Variants in KRT72 observed in about 807,000 individuals in gnomAD.
KRT72 encodes keratin, type II cytoskeletal 72.
In KRT72, 44 loss-of-function variants were observed where a neutral mutation model predicts 44.7. The observed-to-expected ratio is 0.98, with a 90% CI of 0.77 to 1.27. The LOEUF is 1.27. Among genes scored for constraint, KRT72 ranks in the 50% most tolerant of loss-of-function variants. KRT72 has a pLI of 0.00. For missense variants in KRT72, 736 were observed against 667.1 expected, an observed-to-expected ratio of 1.10 and a Z score of -1.14; for synonymous variants, 302 against 280.4, an observed-to-expected ratio of 1.08 and a Z score of -0.77.
intron 6 of KRT72, among the ~76,000 whole-genome samples, chr12:52,588,867 G>C (rs933965472): frequency 6.6e-6 from 1 of 151,964 alleles, no homozygotes; most frequent in Non-Finnish European, 1.5e-5. Flanking sequence ...GTGATGGCAC[G>C]CAGCTGCCTG....
intron 1 of KRT72, among the ~76,000 whole-genome samples, 169 bp downstream of exon 1, chr12:52,600,858 C>T (rs184288277): frequency 1.3e-5 from 2 of 152,176 alleles, no homozygotes; most frequent in Non-Finnish European, 2.9e-5. Context: ...TAAGCCTCAT[C>T]GCAACCCACT....
chr12:52,601,134 G>A lies in KRT72; in HGVS notation c.319C>T (p.Leu107=). The A allele has an allele frequency of 6.2e-7, 1 of 1,613,722 alleles. No individual in the cohort carries two copies. The highest frequency in any genetic ancestry group is 8.5e-7 in the Non-Finnish European group (1 of 1,179,830). The change falls in exon 1 of 9, where the codon CTG becomes TTG. Residue 107 remains leucine, a synonymous_variant. Coordinates refer to ENST00000293745, the MANE Select transcript of KRT72 (RefSeq NM_080747.3). The stretch of plus-strand genomic sequence containing the variant: ...TCCATCTCCACGTTGAGCGGGGCCA[G>A]GAGGCTCTTGTTGACGGTGACCTGA... The part of the protein sequence containing the change: ...IPQVTVNKSL[L]APLNVEMDPE...
At position 52,590,818 on chromosome 12, in the gene KRT72, T is replaced by G. The variant is rs1196930360; in HGVS notation, c.1089+18A>C. On this transcript the variant is annotated intron_variant, in intron 6 of 8. Coordinates refer to ENST00000293745, the MANE Select transcript of KRT72 (RefSeq NM_080747.3). ...GACTCAATAAATACTGTTAGTGGAT[T>G]AATTTCATAGAACCCACCTGCTTCT... The G allele has an allele frequency of 1.3e-6, 2 of 1,561,266 alleles. No homozygotes were observed. Among genetic ancestry groups the G allele is most frequent in the Non-Finnish European group, 1.7e-6 (2 of 1,143,782 alleles).
At chr12:52,589,713 C>T (rs913465172) in intron 6 of KRT72, among the ~76,000 whole-genome samples, 2 of 152,132 alleles carry the variant, frequency 1.3e-5, no homozygotes, top group African/African-American at 2.4e-5. Context: ...CAAAAGGAGC[C>T]GCAATGGGGA....
chr12:52,587,917 C>A, intron 6 of KRT72, 66 bp from the exon 7 acceptor site: 1 of 1,474,618 alleles, frequency 6.8e-7, no homozygotes, highest in East Asian at 2.4e-5. Context: ...CTTGGACAAC[C>A]TCCCCTTGTT....
chr12:52,589,551 G>A (rs1163357293), intron 6 of KRT72, among the ~76,000 whole-genome samples: 9 of 152,188 alleles, frequency 5.9e-5, no homozygotes, highest in African/African-American at 1.2e-4. Context: ...AACATGGCCC[G>A]AGTTGAGAGG....
chr12:52,601,130 G>A lies in KRT72; in HGVS notation c.323C>T (p.Ala108Val). The change falls in exon 1 of 9, where the codon GCC (alanine) becomes GTC (valine). Residue 108 changes from alanine (A) to valine (V), a missense_variant. Coordinates refer to ENST00000293745, the MANE Select transcript of KRT72 (RefSeq NM_080747.3). ...PQVTVNKSLL[A>V]PLNVEMDPEI... ...GGGGTCCATCTCCACGTTGAGCGGG[G>A]CCAGGAGGCTCTTGTTGACGGTGAC... The A allele has an allele frequency of 1.9e-6, 3 of 1,613,702 alleles. No individual in the cohort carries two copies. Among genetic ancestry groups the A allele is most frequent in the South Asian group, 1.1e-5 (1 of 90,996 alleles).
intron 1 of KRT72, among the ~76,000 whole-genome samples, chr12:52,600,023 C>G (rs1940361824): frequency 6.6e-6 from 1 of 152,202 alleles, no homozygotes; most frequent in Admixed American, 6.5e-5. Context: ...CAGGTGGAGA[C>G]AAGAGAAGTC....
chr12:52,600,369 G>C (rs2120817471), intron 1 of KRT72, among the ~76,000 whole-genome samples: 1 of 152,166 alleles, frequency 6.6e-6, no homozygotes, highest in Non-Finnish European at 1.5e-5. Context: ...CCCATTCCTT[G>C]GACATCCTGA....
rs752607668 is a variant in KRT72, at chr12:52,601,334, C to T, written c.119G>A (p.Gly40Asp). ...SSASFRARVKGSASFGSKSLS... is the reference protein window; with the variant it reads ...SSASFRARVKDSASFGSKSLS... ...GCTCTTGCTGCCAAAGGAGGCCGAGCCCTTGACCCGGGCCCGGAATGAGGC... is the reference window on the plus strand; with the variant it reads ...GCTCTTGCTGCCAAAGGAGGCCGAGTCCTTGACCCGGGCCCGGAATGAGGC... Residue 40 changes from glycine (G) to aspartate (D), a missense_variant, in exon 1 of 9, where the codon GGC becomes GAC. Transcript: ENST00000293745. 1 of 1,545,732 alleles carries T rather than the reference C, an allele frequency of 6.5e-7. No homozygotes were observed. The highest frequency in any genetic ancestry group is 8.7e-7 in the Non-Finnish European group (1 of 1,146,894).
In KRT72 at chr12:52,585,952, C is replaced by A. The variant is rs2120697085; in HGVS notation, c.*30G>T. 1.3e-6 allele frequency: 2 copies of A among 1,594,836 alleles called. No individual in the cohort carries two copies. The highest frequency in any genetic ancestry group is 4.5e-5 in the East Asian group (2 of 44,574). ...GGAGGAGACGGGTGAGTTGGGAAGCCTTCTGCTCACAGAGCCAACCACTTG... is the reference window on the plus strand; with the variant it reads ...GGAGGAGACGGGTGAGTTGGGAAGCATTCTGCTCACAGAGCCAACCACTTG... On this transcript the variant is annotated 3_prime_UTR_variant, in exon 9 of 9. Coordinates refer to ENST00000293745, the MANE Select transcript of KRT72 (RefSeq NM_080747.3).
At chr12:52,599,306 T>C (rs1233647223) in intron 1 of KRT72, 194 bp from the exon 2 acceptor site, 5 of 661,130 alleles carry the variant, frequency 7.6e-6, no homozygotes, top group African/African-American at 3.5e-5. Context: ...ACCCGGTCTA[T>C]ATGGAATCAG....
At position 52,587,726 on chromosome 12, in the gene KRT72, C is replaced by G. The variant is rs1441092980; in HGVS notation, c.1215G>C (p.Arg405=). The G allele has an allele frequency of 1.2e-6, 2 of 1,614,088 alleles. No individual in the cohort carries two copies. The highest frequency in any genetic ancestry group is 2.7e-5 in the African/African-American group (2 of 74,940). The change falls in exon 7 of 9, where the codon CGG becomes CGC. Residue 405 remains arginine, a synonymous_variant. Transcript: ENST00000293745. ...CGAGCTCCTGGTACTCACGCAGCAT[C>G]CGTGCCAGCTCCTCCTTGGCCTGGT... ...ALHQAKEELA[R]MLREYQELVS...
chr12:52,597,374 G>T (rs1940259590), intron 2 of KRT72, among the ~76,000 whole-genome samples: 1 of 152,118 alleles, frequency 6.6e-6, no homozygotes, highest in Non-Finnish European at 1.5e-5. Flanking sequence ...AATGACATAT[G>T]ATTAGCATTT....
chr12:52,599,533 C>A, intron 1 of KRT72: 1 of 446,840 alleles, frequency 2.2e-6, no homozygotes, highest in Non-Finnish European at 4.5e-6. Flanking sequence ...TTGTTCATTT[C>A]TTTGTTGTTC....
chr12:52,589,703 C>CA (rs201035580), intron 6 of KRT72, among the ~76,000 whole-genome samples: 3,079 of 152,272 alleles, frequency 0.02, 48 homozygotes, highest in Middle Eastern at 0.068. Context: ...TGAGGGCCCT[C>CA]AAAAGGAGCC....
At chr12:52,590,205 G>T (rs1177254437) in intron 6 of KRT72, among the ~76,000 whole-genome samples, 1 of 152,180 alleles carries the variant, frequency 6.6e-6, no homozygotes, top group Non-Finnish European at 1.5e-5. Context: ...CTCCCAAAGA[G>T]GGGGACCTCG....
At chr12:52,601,613 T>C, upstream of KRT72, 1 of 675,962 alleles carries the variant, frequency 1.5e-6, no homozygotes, top group Non-Finnish European at 2.4e-6. Flanking sequence ...TCTTGGGTTC[T>C]TCATGTAGGA....
chr12:52,602,513 C>G (rs749036444), upstream of KRT72, among the ~76,000 whole-genome samples: 43 of 152,220 alleles, frequency 2.8e-4, no homozygotes, highest in Non-Finnish European at 5.1e-4. Context: ...AAGTCTCCTC[C>G]TCTCTTAGCA....
Sources: gnomAD v4.1 joint callset for allele counts (sites outside exome capture counted in the v4.1 genomes callset) on GRCh38, gnomAD v4.1.1 for gene constraint, MANE v1.5 for transcripts, NCBI Gene and HGNC (gene_info 2026-07-23, HGNC 2026-07-21) for gene names.